Variants in CREB5 observed in about 807,000 individuals in gnomAD.
CREB5 encodes the protein cAMP responsive element binding protein 5, also known as cyclic AMP-responsive element-binding protein 5.
In CREB5, 19 loss-of-function variants were observed where a neutral mutation model predicts 57.1. The ratio of observed to expected loss-of-function variants is 0.33; its 90% confidence interval spans 0.23 to 0.49. The LOEUF (loss-of-function observed/expected upper bound fraction) is 0.49, where lower values mean the gene tolerates loss of function less well. CREB5 is among the 20% of genes least tolerant of loss of function. CREB5 has a pLI of 0.99. For synonymous variants in CREB5, 238 were observed against 238.3 expected, an observed-to-expected ratio of 1.00 and a Z score of 0.01; for missense variants, 579 against 671.6, an observed-to-expected ratio of 0.86 and a Z score of 1.52.
At chr7:28,728,048 C>G (rs1438865559) in intron 7 of CREB5, among the ~76,000 whole-genome samples, 1 of 152,142 alleles carries the variant, frequency 6.6e-6, no homozygotes, top group Non-Finnish European at 1.5e-5. Context: ...TGGGCTGAAG[C>G]AATCCTTCCA....
Position 28,825,654 on chromosome 7 carries a change from A to G in CREB5, c.*6375A>G, listed in dbSNP as rs1810019449. On this transcript the variant is annotated 3_prime_UTR_variant, in exon 11 of 11. Coordinates refer to ENST00000357727, the MANE Select transcript of CREB5 (RefSeq NM_182898.4). ...CCACCTTCCTTATTGGAAGGAGAAA[A>G]AAAGGGGTACATACATGTAAATACT... The G allele has an allele frequency of 6.6e-6, 1 of 152,548 alleles. No homozygotes were observed. The highest frequency in any genetic ancestry group is 6.5e-5 in the Admixed American group (1 of 15,270). 9.4% of individuals were successfully genotyped at this position (152,548 alleles called of 1,614,324 possible).
intron 1 of CREB5, among the ~76,000 whole-genome samples, chr7:28,381,010 G>A (rs1417111121): frequency 6.6e-6 from 1 of 152,072 alleles, no homozygotes; most frequent in African/African-American, 2.4e-5. Context: ...TAAAACTAGG[G>A]GGCAGGTGGT....
intron 1 of CREB5, among the ~76,000 whole-genome samples, chr7:28,326,458 A>G (rs1785608689): frequency 6.6e-6 from 1 of 152,212 alleles, no homozygotes; most frequent in Admixed American, 6.5e-5. Flanking sequence ...CCAATTGGGA[A>G]TCCATGCTTC....
In CREB5 at chr7:28,824,323, T is replaced by C. The variant is rs1809946634; in HGVS notation, c.*5044T>C. 1 of 152,666 alleles carries C rather than the reference T, an allele frequency of 6.6e-6. No homozygotes were observed. Among genetic ancestry groups the C allele is most frequent in the South Asian group, 2.1e-4 (1 of 4,830 alleles). The allele number at this position is 152,666 out of a possible 1,614,324, so 9.5% of individuals were successfully genotyped here. A position where few individuals can be genotyped will look rare whatever the true frequency, so the allele number is the denominator to read the frequency against. On this transcript the variant is annotated 3_prime_UTR_variant, in exon 11 of 11. Coordinates refer to ENST00000357727, the MANE Select transcript of CREB5 (RefSeq NM_182898.4). ...CTAAGCTATACTTAAGAATTTTCTC[T>C]CACCTTCCAAACCAAAGTGTCCTGA...
intron 7 of CREB5, among the ~76,000 whole-genome samples, chr7:28,788,731 A>G (rs1807480356): frequency 6.6e-6 from 1 of 152,174 alleles, no homozygotes; most frequent in African/African-American, 2.4e-5. Context: ...GAGGAAATGA[A>G]GCAAGTGTTT....
At chr7:28,334,732 G>T (rs111395020) in intron 1 of CREB5, among the ~76,000 whole-genome samples, 1 of 152,120 alleles carries the variant, frequency 6.6e-6, no homozygotes, top group Non-Finnish European at 1.5e-5. Flanking sequence ...GTCCATGTTT[G>T]CTTTGGTTGC....
chr7:28,720,458 G>A (rs1426420581), intron 6 of CREB5, among the ~76,000 whole-genome samples: 1 of 152,204 alleles, frequency 6.6e-6, no homozygotes, highest in Non-Finnish European at 1.5e-5. Context: ...TGTGAGTGAA[G>A]AATTGTGGCT....
At chr7:28,581,619 G>A (rs1796127877) in intron 5 of CREB5, among the ~76,000 whole-genome samples, 1 of 152,124 alleles carries the variant, frequency 6.6e-6, no homozygotes, top group Non-Finnish European at 1.5e-5. Context: ...GGTTGAATCA[G>A]ACCCTCAAGA....
At chr7:28,499,817 A>G (rs1792202592) in intron 3 of CREB5, among the ~76,000 whole-genome samples, 1 of 152,206 alleles carries the variant, frequency 6.6e-6, no homozygotes, top group Non-Finnish European at 1.5e-5. Flanking sequence ...TCTCAACCTC[A>G]GGTGATCTGC....
At chr7:28,780,403 A>G (rs989331043) in intron 7 of CREB5, among the ~76,000 whole-genome samples, 6 of 152,180 alleles carry the variant, frequency 3.9e-5, no homozygotes, top group Admixed American at 3.9e-4. Context: ...ACAATTCACA[A>G]CGTAATTAAT....
At chr7:28,445,758 A>G (rs112846396) in intron 1 of CREB5, among the ~76,000 whole-genome samples, 1,955 of 151,758 alleles carry the variant, frequency 0.013, 21 homozygotes, top group African/African-American at 0.014. Context: ...TCACTGTGTT[A>G]GCCAGGATGA....
intron 7 of CREB5, among the ~76,000 whole-genome samples, chr7:28,772,578 A>G (rs1806386990): frequency 6.6e-6 from 1 of 152,212 alleles, no homozygotes; most frequent in Admixed American, 6.5e-5. Context: ...AAACAAGCAA[A>G]AACTGTTGTA....
chr7:28,599,083 A>G (rs1438022682), intron 5 of CREB5, among the ~76,000 whole-genome samples: 1 of 152,194 alleles, frequency 6.6e-6, no homozygotes, highest in African/African-American at 2.4e-5. Context: ...AGTAAATTAC[A>G]TGAGATTAAA....
At chr7:28,703,539 A>C (rs540563793) in intron 5 of CREB5, among the ~76,000 whole-genome samples, 1 of 152,198 alleles carries the variant, frequency 6.6e-6, no homozygotes, top group Non-Finnish European at 1.5e-5. Context: ...ATGATCTGCC[A>C]TCTGCCAGCT....
At chr7:28,534,612 G>C (rs1176424867) in intron 4 of CREB5, among the ~76,000 whole-genome samples, 2 of 152,142 alleles carry the variant, frequency 1.3e-5, no homozygotes, top group African/African-American at 4.8e-5. Flanking sequence ...TCAAACAGGA[G>C]TCTCAGATAA....
At chr7:28,311,110 C>T (rs146405827) in intron 1 of CREB5, among the ~76,000 whole-genome samples, 1,323 of 113,844 alleles carry the variant, frequency 0.012, 11 homozygotes, top group Middle Eastern at 0.058. Flanking sequence ...CTGGCTAGCA[C>T]GGTGAAACCC....
At chr7:28,642,993 C>CAT (rs1210691529) in intron 5 of CREB5, among the ~76,000 whole-genome samples, 1,459 of 101,206 alleles carry the variant, frequency 0.014, 11 homozygotes, top group African/African-American at 0.036. Flanking sequence ...CACATACACA[C>CAT]ACACACACAC....
chr7:28,529,752 G>C (rs986676249), intron 4 of CREB5, among the ~76,000 whole-genome samples: 2 of 152,198 alleles, frequency 1.3e-5, no homozygotes, highest in Non-Finnish European at 2.9e-5. Context: ...AAGCTGCACA[G>C]AGACAGCTGG....
chr7:28,515,248 A>C (rs1257603763), intron 4 of CREB5, among the ~76,000 whole-genome samples: 1 of 152,214 alleles, frequency 6.6e-6, no homozygotes, highest in African/African-American at 2.4e-5. Context: ...AGAGAGACAA[A>C]AAGGGAGCCA....
Sources: allele counts gnomAD v4.1 joint callset (sites outside exome capture counted in the v4.1 genomes callset), GRCh38; gene constraint gnomAD v4.1.1; transcripts MANE v1.5; gene names NCBI Gene and HGNC (gene_info 2026-07-23, HGNC 2026-07-21).